The following KDM4B variants were observed in gnomAD, a reference collection of about 807,000 sequenced individuals.
KDM4B encodes lysine-specific demethylase 4B.
A neutral mutation model predicts 125.2 loss-of-function variants in KDM4B; 32 were observed. That is an observed-to-expected ratio of 0.26 (90% confidence interval 0.19 to 0.34). The LOEUF (loss-of-function observed/expected upper bound fraction) is 0.34, where lower values mean the gene tolerates loss of function less well. Among genes scored for constraint, KDM4B ranks in the 10% least tolerant of loss-of-function variants. The pLI is 1.00. For missense variants in KDM4B, 1,190 were observed against 1,577.7 expected, an observed-to-expected ratio of 0.75 and a Z score of 4.16; for synonymous variants, 721 against 677.9, an observed-to-expected ratio of 1.06 and a Z score of -0.99.
intron 9 of KDM4B, among the ~76,000 whole-genome samples, chr19:5,104,890 C>T (rs1399396347): frequency 6.6e-6 from 1 of 152,198 alleles, no homozygotes; most frequent in Non-Finnish European, 1.5e-5. Context: ...TTGCTGTTTT[C>T]TCCCATGTAT....
intron 9 of KDM4B, 103 bp from the exon 10 acceptor site, chr19:5,110,519 T>C: frequency 9.7e-7 from 1 of 1,032,540 alleles, no homozygotes; most frequent in Non-Finnish European, 1.5e-6. Flanking sequence ...TGGGATGGGG[T>C]GTGGGAGGCC....
chr19:5,106,730 C>G (rs1339186159), intron 9 of KDM4B, among the ~76,000 whole-genome samples: 1 of 152,216 alleles, frequency 6.6e-6, no homozygotes, highest in African/African-American at 2.4e-5. Context: ...TGTCCAAGAA[C>G]TGGGTTCTGC....
intron 3 of KDM4B, among the ~76,000 whole-genome samples, chr19:5,039,307 T>C (rs1174037992): frequency 6.6e-6 from 1 of 152,030 alleles, no homozygotes; most frequent in Non-Finnish European, 1.5e-5. Flanking sequence ...TTAAAAAAAT[T>C]AGCTGGGCAT....
At chr19:4,988,587 C>G (rs1026159158) in intron 1 of KDM4B, among the ~76,000 whole-genome samples, 1 of 152,140 alleles carries the variant, frequency 6.6e-6, no homozygotes, top group Non-Finnish European at 1.5e-5. Flanking sequence ...ATGAACCCTT[C>G]TTTGAGCTTA....
intron 9 of KDM4B, among the ~76,000 whole-genome samples, chr19:5,108,390 C>T (rs2039076100): frequency 2.0e-5 from 3 of 152,310 alleles, no homozygotes; most frequent in South Asian, 4.1e-4. Flanking sequence ...CACAAATATT[C>T]CCTCCTGCTC....
chr19:5,053,224 G>A (rs1017938575), intron 6 of KDM4B, among the ~76,000 whole-genome samples: 5 of 152,230 alleles, frequency 3.3e-5, no homozygotes, highest in Non-Finnish European at 5.9e-5. Context: ...CCCAACCCTG[G>A]CGAGGGTGCC....
chr19:5,080,042 C>T (rs1397536267), intron 8 of KDM4B, among the ~76,000 whole-genome samples: 3 of 152,218 alleles, frequency 2.0e-5, no homozygotes, highest in Non-Finnish European at 1.5e-5. Context: ...CCTGGGGCCA[C>T]GTGTGTTCCC....
Position 5,021,003 on chromosome 19 carries a change from C to T in KDM4B, c.-26+4664C>T, listed in dbSNP as rs532299933. Among the ~76,000 whole-genome samples the T allele has an allele frequency of 5.9e-5, 9 of 151,992 alleles. No homozygotes were observed. In the East Asian group the frequency reaches 1.2e-3, roughly 20 times the overall value. On this transcript the variant is annotated intron_variant, in intron 2 of 22. Transcript: ENST00000159111. ...CTCAACTAAAAATACAAAAATTAGC[C>T]GGACGTGGTGGCGTGTGCCTACAAT...
chr19:5,050,159 A>C (rs1304866212), intron 6 of KDM4B, among the ~76,000 whole-genome samples: 1 of 152,230 alleles, frequency 6.6e-6, no homozygotes, highest in Non-Finnish European at 1.5e-5. Context: ...TTTTAAAGAA[A>C]GTGTCAATGT....
At chr19:5,068,462 C>T (rs1386924141) in intron 6 of KDM4B, among the ~76,000 whole-genome samples, 2 of 152,228 alleles carry the variant, frequency 1.3e-5, no homozygotes, top group Non-Finnish European at 2.9e-5. Flanking sequence ...CGAACGCAAG[C>T]GTGCTTTCAG....
Position 5,035,880 on chromosome 19 carries a change from T to TGTGTGCGC in KDM4B, c.141+2850_141+2851insTGTGCGCG, listed in dbSNP as rs58219404. Among the ~76,000 whole-genome samples the TGTGTGCGC allele has an allele frequency of 6.4e-4, 88 of 136,500 alleles. No individual in the cohort carries two copies. The highest frequency in any genetic ancestry group is 1.2e-3 in the African/African-American group (47 of 37,904). The allele number at this position is 136,500 out of a possible 152,430, so 89.5% of individuals were successfully genotyped here. On this transcript the variant is annotated intron_variant, in intron 3 of 22. Coordinates refer to ENST00000159111, the MANE Select transcript of KDM4B (RefSeq NM_015015.3). This position sits in a 1 kb window ranked among gnomAD's most constrained non-coding sequence, Gnocchi z 5.3. ...ACGTGTCTCTGTGTGTGTGTGTGTGTGCGCGCGCGCGCGCGCCTGCGCGCA... is the reference window on the plus strand; with the variant it reads ...ACGTGTCTCTGTGTGTGTGTGTGTGTGTGTGCGCGCGCGCGCGCGCGCGCCTGCGCGCA...
chr19:5,121,924 G>T (rs1254355584), intron 11 of KDM4B, among the ~76,000 whole-genome samples: 1 of 152,044 alleles, frequency 6.6e-6, no homozygotes. Flanking sequence ...ATGGCAAAAG[G>T]TCTAGGAATA....
chr19:5,126,970 C>A (rs1030819046), intron 11 of KDM4B, among the ~76,000 whole-genome samples: 4 of 152,228 alleles, frequency 2.6e-5, no homozygotes, highest in Non-Finnish European at 4.4e-5. Flanking sequence ...CTCCACAGGG[C>A]AGCCTGGGCC....
chr19:5,032,375 C>A (rs2036485328), intron 2 of KDM4B, among the ~76,000 whole-genome samples: 1 of 152,220 alleles, frequency 6.6e-6, no homozygotes, highest in Non-Finnish European at 1.5e-5. Flanking sequence ...AGCAGCCAGC[C>A]AGCCCCCCGT....
At chr19:5,091,752 G>A (rs1170707786) in intron 9 of KDM4B, among the ~76,000 whole-genome samples, 2 of 152,034 alleles carry the variant, frequency 1.3e-5, no homozygotes, top group African/African-American at 4.8e-5. Context: ...GGCAGGGGCT[G>A]GGGAAGGGTG....
intron 6 of KDM4B, among the ~76,000 whole-genome samples, chr19:5,051,628 A>G (rs927448480): frequency 2.0e-5 from 3 of 152,180 alleles, no homozygotes; most frequent in Admixed American, 2.0e-4. Flanking sequence ...GGGCCAGCGC[A>G]GGTGCGTGGC....
intron 20 of KDM4B, 142 bp downstream of exon 20, chr19:5,144,554 C>T (rs2039808375): frequency 4.1e-6 from 4 of 970,234 alleles, no homozygotes; most frequent in Non-Finnish European, 5.9e-6. Flanking sequence ...CATGGGGTCC[C>T]CTTGTCCTCA....
intron 6 of KDM4B, among the ~76,000 whole-genome samples, chr19:5,069,840 C>T (rs965246348): frequency 1.3e-5 from 2 of 152,076 alleles, no homozygotes; most frequent in Admixed American, 1.3e-4. Context: ...CTCCTGACCT[C>T]AGGTGATCTG....
At chr19:5,046,640 G>C (rs992896157) in intron 5 of KDM4B, among the ~76,000 whole-genome samples, 1 of 152,180 alleles carries the variant, frequency 6.6e-6, no homozygotes, top group African/African-American at 2.4e-5. Context: ...GACGGGGTTT[G>C]TTTGCTTGTG....
Sources: allele counts gnomAD v4.1 joint callset (sites outside exome capture counted in the v4.1 genomes callset), GRCh38; gene constraint gnomAD v4.1.1; non-coding constraint Gnocchi (gnomAD v3.1); transcripts MANE v1.5; gene names NCBI Gene and HGNC (gene_info 2026-07-23, HGNC 2026-07-21).